The following ADAMTS3 variants were observed in gnomAD, a reference collection of about 807,000 sequenced individuals.
The protein encoded by ADAMTS3 is ADAM metallopeptidase with thrombospondin type 1 motif 3.
A neutral mutation model predicts 129.0 loss-of-function variants in ADAMTS3; 73 were observed. The observed-to-expected ratio is 0.57, with a 90% CI of 0.47 to 0.69. The LOEUF (loss-of-function observed/expected upper bound fraction) is 0.69. Ranked by LOEUF, ADAMTS3 falls within the 30% of genes least tolerant of loss-of-function variation. ADAMTS3 has a pLI of 0.00. For synonymous variants in ADAMTS3, 477 were observed against 510.8 expected, an observed-to-expected ratio of 0.93 and a Z score of 0.89; for missense variants, 1,457 against 1,514.5, an observed-to-expected ratio of 0.96 and a Z score of 0.63.
intron 3 of ADAMTS3, among the ~76,000 whole-genome samples, chr4:72,545,073 GA>G (rs1159614943): frequency 6.6e-6 from 1 of 151,850 alleles, no homozygotes; most frequent in Non-Finnish European, 1.5e-5. Flanking sequence ...ATTTAAATTT[GA>G]AAACTCTTTT....
chr4:72,335,911 C>A (rs1176376503), intron 5 of ADAMTS3, among the ~76,000 whole-genome samples: 2 of 152,184 alleles, frequency 1.3e-5, no homozygotes, highest in Admixed American at 1.3e-4. Context: ...GTTCTTCTTT[C>A]ATTAAATATA....
intron 3 of ADAMTS3, among the ~76,000 whole-genome samples, chr4:72,484,198 A>G (rs769621079): frequency 4.6e-5 from 7 of 152,210 alleles, no homozygotes; most frequent in Non-Finnish European, 8.8e-5. Flanking sequence ...AAAGATAATA[A>G]CAAAGTTTAA....
At chr4:72,464,122 G>A (rs1278264858) in intron 3 of ADAMTS3, among the ~76,000 whole-genome samples, 2 of 152,058 alleles carry the variant, frequency 1.3e-5, no homozygotes, top group Non-Finnish European at 2.9e-5. Flanking sequence ...GGTGTGTGCA[G>A]CTCAATGACC....
At chr4:72,369,751 C>A (rs1449644730) in intron 4 of ADAMTS3, among the ~76,000 whole-genome samples, 4 of 142,718 alleles carry the variant, frequency 2.8e-5, no homozygotes, top group Admixed American at 6.8e-5. Context: ...AATAAACAGA[C>A]AAAGTACAAA....
chr4:72,538,372 A>G (rs1721233880), intron 3 of ADAMTS3, among the ~76,000 whole-genome samples: 1 of 152,194 alleles, frequency 6.6e-6, no homozygotes, highest in Non-Finnish European at 1.5e-5. Context: ...AGACAAAGAG[A>G]ATTTTTAAAG....
rs1424580593 is a variant in ADAMTS3 at position 72,320,857 on chromosome 4, A to G, written c.959T>C (p.Ile320Thr). ...GCTTCTGGATGGGTTTCCCCTTTCT[A>G]TGAGGCTGATGGACTAAGTGAAAAC... Reference protein sequence around the residue: ...MLGYAKSISLIERGNPSRSLE... With the variant: ...MLGYAKSISLTERGNPSRSLE... The change falls in exon 7 of 22, where the codon ATA (isoleucine) becomes ACA (threonine). Residue 320 changes from isoleucine (I) to threonine (T), a missense_variant. By Grantham distance (89) the Ile-to-Thr change is moderately conservative. Coordinates refer to ENST00000286657, the MANE Select transcript of ADAMTS3 (RefSeq NM_014243.3). 1 of 1,613,926 alleles carries G rather than the reference A, an allele frequency of 6.2e-7. No homozygotes were observed.
At chr4:72,522,552 T>C (rs1720702082) in intron 3 of ADAMTS3, among the ~76,000 whole-genome samples, 1 of 152,148 alleles carries the variant, frequency 6.6e-6, no homozygotes, top group Admixed American at 6.5e-5. Context: ...CTACAAGTCG[T>C]ATCAACTACT....
chr4:72,454,182 ATTT>A (rs929952093), intron 3 of ADAMTS3, among the ~76,000 whole-genome samples: 1 of 151,444 alleles, frequency 6.6e-6, no homozygotes, highest in Non-Finnish European at 1.5e-5. Context: ...TATTGTTTTG[ATTT>A]TTTATTATAA....
Position 72,568,817 on chromosome 4 carries a change from C to A in ADAMTS3, c.-55G>T, listed in dbSNP as rs1348358321. On this transcript the variant is annotated 5_prime_UTR_variant, in exon 1 of 22. Coordinates refer to ENST00000286657, the MANE Select transcript of ADAMTS3 (RefSeq NM_014243.3). ...GGCAAAGCAAATGCCCAGAGCAAAC[C>A]CACCCCCCCCGCCCAAAATAAGTTT... The A allele has an allele frequency of 6.6e-5, 71 of 1,079,726 alleles. No homozygotes were observed. Among genetic ancestry groups the A allele is most frequent in the Middle Eastern group, 2.4e-4 (1 of 4,114 alleles). The allele number at this position is 1,079,726 out of a possible 1,614,324, so 66.9% of individuals were successfully genotyped here.
Position 72,283,125 on chromosome 4 carries a change from G to T in ADAMTS3, c.*11C>A, listed in dbSNP as rs1170623407. On this transcript the variant is annotated 3_prime_UTR_variant, in exon 22 of 22. Transcript: ENST00000286657. ...TTTTCCTCTGGTTTCTAGCCTTTTT[G>T]GTTCACTTTCTCATCTTTCTAAGGT... 6 of 1,578,684 alleles carry T rather than the reference G, an allele frequency of 3.8e-6. No individual in the cohort carries two copies. The highest frequency in any genetic ancestry group is 3.6e-5 in the Admixed American group (2 of 55,496).
chr4:72,433,099 G>A (rs943824418), intron 3 of ADAMTS3, among the ~76,000 whole-genome samples: 2 of 151,688 alleles, frequency 1.3e-5, no homozygotes, highest in Non-Finnish European at 2.9e-5. Context: ...TTTTTTTCCC[G>A]ATAATCTTCT....
At chr4:72,387,092 T>C (rs917468644) in intron 4 of ADAMTS3, among the ~76,000 whole-genome samples, 5 of 152,172 alleles carry the variant, frequency 3.3e-5, no homozygotes, top group African/African-American at 1.2e-4. Context: ...TCAAGGTGAG[T>C]AGACATTATC....
chr4:72,292,837 T>C (rs897043117), intron 19 of ADAMTS3, among the ~76,000 whole-genome samples: 1 of 152,208 alleles, frequency 6.6e-6, no homozygotes, highest in African/African-American at 2.4e-5. Flanking sequence ...AAGACTGCTT[T>C]AGCTTGTCAA....
intron 3 of ADAMTS3, among the ~76,000 whole-genome samples, chr4:72,448,936 G>A (rs934715138): frequency 6.6e-6 from 1 of 151,464 alleles, no homozygotes; most frequent in Non-Finnish European, 1.5e-5. Flanking sequence ...ACCTAAGTTT[G>A]TATTAATAAT....
chr4:72,530,022 T>TATA (rs1720945069), intron 3 of ADAMTS3, among the ~76,000 whole-genome samples: 1 of 624 alleles, frequency 1.6e-3, no homozygotes. Flanking sequence ...TATATTATAT[T>TATA]TATATATAAA....
chr4:72,371,131 T>A (rs1012084529), intron 4 of ADAMTS3, among the ~76,000 whole-genome samples: 4 of 152,036 alleles, frequency 2.6e-5, no homozygotes, highest in African/African-American at 9.7e-5. Flanking sequence ...AGATATTTTC[T>A]CATACTGCCA....
In ADAMTS3 at chr4:72,397,248, C is replaced by T. The variant is rs543898502; in HGVS notation, c.661+17567G>A. Among the ~76,000 whole-genome samples, 5 of 151,982 alleles carry T rather than the reference C, an allele frequency of 3.3e-5. No individual in the cohort carries two copies. The East Asian group carries it at 9.7e-4, about 29-fold the overall frequency. ...GGGTTCTTCATAATCTGGCATTAAC[C>T]GTTCTTACCCGAGACAAATATAAGA... On this transcript the variant is annotated intron_variant, in intron 4 of 21. Transcript: ENST00000286657.
chr4:72,501,972 A>G (rs1720038273), intron 3 of ADAMTS3, among the ~76,000 whole-genome samples: 1 of 151,986 alleles, frequency 6.6e-6, no homozygotes, highest in Non-Finnish European at 1.5e-5. Context: ...CTACTTGATC[A>G]TGGTGCATTC....
At chr4:72,356,505 C>T (rs925559424) in intron 4 of ADAMTS3, among the ~76,000 whole-genome samples, 2 of 151,690 alleles carry the variant, frequency 1.3e-5, no homozygotes, top group Non-Finnish European at 2.9e-5. Flanking sequence ...ACTGTGCTTT[C>T]ACAGTCTTCC....
Sources: allele counts gnomAD v4.1 joint callset (sites outside exome capture counted in the v4.1 genomes callset), GRCh38; gene constraint gnomAD v4.1.1; transcripts MANE v1.5; gene names NCBI Gene and HGNC (gene_info 2026-07-23, HGNC 2026-07-21).